Variants in ALDH1A1 observed in about 807,000 individuals in gnomAD.
ALDH1A1 encodes the protein aldehyde dehydrogenase 1A1.
A neutral mutation model predicts 62.1 loss-of-function variants in ALDH1A1; 19 were observed. The observed-to-expected ratio is 0.31, with a 90% CI of 0.21 to 0.45. ALDH1A1 has a LOEUF of 0.45. Ranked by LOEUF, ALDH1A1 falls within the 20% of genes least tolerant of loss-of-function variation. The probability of loss-of-function intolerance (pLI) is 1.00; values close to 1 mark genes in which losing one functional copy is unlikely to be tolerated. For missense variants in ALDH1A1, 521 were observed against 607.1 expected (o/e 0.86, Z 1.49); for synonymous variants, 231 against 215.9 (o/e 1.07, Z -0.61).
chr9:72,905,561 T>A (rs899895290), intron 12 of ALDH1A1, among the ~76,000 whole-genome samples: 2 of 152,184 alleles, frequency 1.3e-5, no homozygotes, highest in Admixed American at 6.5e-5. Flanking sequence ...CTTATTTAAA[T>A]GGTTTATTCA....
chr9:72,941,828 A>T (rs1300961200), intron 1 of ALDH1A1, among the ~76,000 whole-genome samples: 1 of 152,172 alleles, frequency 6.6e-6, no homozygotes, highest in Non-Finnish European at 1.5e-5. Flanking sequence ...CATACAAGAA[A>T]ATTATCCTGT....
In ALDH1A1 at chr9:72,925,504, C is replaced by A; in HGVS notation, c.613G>T (p.Val205Leu). ...CTTACCTCTTTTATTAAAGATGCCA[C>A]GTGGAGAGCAGTGAGAGGAGTTTGC... ...AEQTPLTALH[V>L]ASLIKEAGFP... The change falls in exon 6 of 13, where the codon GTG (valine) becomes TTG (leucine). Residue 205 changes from valine to leucine, a missense_variant. Val to Leu is a conservative substitution (Grantham distance 32). Transcript: ENST00000297785. 1.9e-6 allele frequency: 3 copies of A among 1,613,854 alleles called. No homozygotes were observed. In the South Asian group the frequency reaches 3.3e-5, roughly 18 times the overall value.
At position 72,918,613 on chromosome 9, in the gene ALDH1A1, CTTTTTTTTTTT is replaced by C. The variant is rs3079046; in HGVS notation, c.850+96_850+106del. ...TACACTTTGATGTTAGAAGCAAATGCTTTTTTTTTTTTTTTTTTTTTTTTGTAAAGTTCAAG... is the reference window on the plus strand; with the variant it reads ...TACACTTTGATGTTAGAAGCAAATGCTTTTTTTTTTTTTGTAAAGTTCAAG... On this transcript the variant is annotated intron_variant, in intron 8 of 12. Transcript: ENST00000297785. 6.4e-5 allele frequency: 18 copies of C among 279,468 alleles called. 1 individual carries two copies. The highest frequency in any genetic ancestry group is 3.8e-4 in the East Asian group (5 of 13,132). 17.3% of individuals were successfully genotyped at this position (279,468 alleles called of 1,614,324 possible).
chr9:72,950,890 C>T (rs1367831344), intron 1 of ALDH1A1, among the ~76,000 whole-genome samples: 1 of 151,462 alleles, frequency 6.6e-6, no homozygotes, highest in East Asian at 1.9e-4. Context: ...CTTGCAAGAG[C>T]AAATTCAATC....
intron 3 of ALDH1A1, among the ~76,000 whole-genome samples, 185 bp from the exon 4 acceptor site, chr9:72,929,206 C>A (rs1453958169): frequency 6.6e-6 from 1 of 152,110 alleles, no homozygotes; most frequent in Non-Finnish European, 1.5e-5. Flanking sequence ...AAGATCTGGG[C>A]ACAAAGGGTA....
intron 4 of ALDH1A1, among the ~76,000 whole-genome samples, chr9:72,928,239 A>T (rs1830235738): frequency 1.3e-5 from 2 of 151,908 alleles, no homozygotes; most frequent in East Asian, 3.9e-4. Flanking sequence ...TGTTTCCTAA[A>T]TGTGTGTGTT....
chr9:72,927,045 AAAGCTTC>A (rs1830220711), intron 5 of ALDH1A1, 64 bp downstream of exon 5: 3 of 1,108,162 alleles, frequency 2.7e-6, no homozygotes, highest in South Asian at 3.2e-5. Flanking sequence ...TGTTTTAGAG[AAAGCTTC>A]ATCATTAGAT....
At position 72,925,588 on chromosome 9, in the gene ALDH1A1, T is replaced by C. The variant is rs8187929; in HGVS notation, c.529A>G (p.Ile177Val). Residue 177 changes from isoleucine to valine, a missense_variant, in exon 6 of 13, where the codon ATT becomes GTT. Transcript: ENST00000297785. ...IPWNFPLVML[I>V]WKIGPALSCG... ...CTCAGTGCAGGCCCTATCTTCCAAA[T>C]GAGCATAACCAACGGGAAATTCCAC... 6.2e-7 allele frequency: 1 copy of C among 1,613,198 alleles called. No individual in the cohort carries two copies. Among genetic ancestry groups the C allele is most frequent in the East Asian group, 2.2e-5 (1 of 44,794 alleles).
chr9:72,945,566 A>C (rs1199482449), intron 1 of ALDH1A1, among the ~76,000 whole-genome samples: 3 of 151,880 alleles, frequency 2.0e-5, no homozygotes, highest in Non-Finnish European at 4.4e-5. Context: ...ACCTGTGGAG[A>C]CTGGTGTGTG....
At chr9:72,902,965 G>T (rs929504490) in intron 12 of ALDH1A1, among the ~76,000 whole-genome samples, 1 of 149,502 alleles carries the variant, frequency 6.7e-6, no homozygotes, top group Non-Finnish European at 1.5e-5. Flanking sequence ...GGTCCACACT[G>T]TAAAAAAAAA....
chr9:72,944,564 G>T (rs1219840767), intron 1 of ALDH1A1, among the ~76,000 whole-genome samples: 4 of 151,926 alleles, frequency 2.6e-5, no homozygotes, highest in African/African-American at 9.7e-5. Flanking sequence ...TATAATCACT[G>T]TTCCTATAGT....
At chr9:72,912,771 T>C (rs1295177413) in intron 9 of ALDH1A1, among the ~76,000 whole-genome samples, 1 of 152,214 alleles carries the variant, frequency 6.6e-6, no homozygotes, top group Non-Finnish European at 1.5e-5. Flanking sequence ...GAGCCACATC[T>C]AACTATGTGC....
intron 10 of ALDH1A1, among the ~76,000 whole-genome samples, chr9:72,911,462 C>A (rs1829986726): frequency 6.6e-6 from 1 of 152,120 alleles, no homozygotes. Context: ...CTTGAACTTA[C>A]TCCTCCTAAT....
chr9:72,938,574 G>A (rs976933077), intron 2 of ALDH1A1, among the ~76,000 whole-genome samples: 8 of 152,138 alleles, frequency 5.3e-5, no homozygotes, highest in African/African-American at 1.9e-4. Context: ...AGCCTCCCGA[G>A]TAGCTGAAAT....
chr9:72,928,845 C>G (rs1269791518), intron 4 of ALDH1A1, 47 bp downstream of exon 4: 4 of 1,575,934 alleles, frequency 2.5e-6, no homozygotes, highest in South Asian at 2.4e-5. Context: ...CTATAGTAAA[C>G]TCCTCGCTCC....
chr9:72,909,742 C>T lies in ALDH1A1; in HGVS notation c.1218G>A (p.Gln406=). 1 of 1,610,960 alleles carries T rather than the reference C, an allele frequency of 6.2e-7. No individual in the cohort carries two copies. The highest frequency in any genetic ancestry group is 8.5e-7 in the Non-Finnish European group (1 of 1,178,428). ...CTAAAGATTTAAACTTCATGATTTG[C>T]TGCACTGGTCCAAAAATCTATACCA... is the stretch of plus-strand genomic sequence containing the variant. The part of the protein sequence containing the change: ...IAKEEIFGPV[Q]QIMKFKSLDD... Residue 406 remains glutamine (Q), a synonymous_variant, in exon 11 of 13, where the codon CAG becomes CAA. Transcript: ENST00000297785.
intron 7 of ALDH1A1, among the ~76,000 whole-genome samples, chr9:72,920,849 A>G (rs1830131285): frequency 1.3e-5 from 2 of 152,254 alleles, no homozygotes; most frequent in African/African-American, 4.8e-5. Flanking sequence ...TAAACAGTGT[A>G]TTCCATGATA....
intron 9 of ALDH1A1, among the ~76,000 whole-genome samples, chr9:72,915,731 A>G (rs1471621601): frequency 6.6e-6 from 1 of 152,186 alleles, no homozygotes; most frequent in Non-Finnish European, 1.5e-5. Context: ...TGAACAGGAA[A>G]ATCCAAGACT....
At chr9:72,918,216 T>C (rs1830087394) in intron 8 of ALDH1A1, among the ~76,000 whole-genome samples, 1 of 152,220 alleles carries the variant, frequency 6.6e-6, no homozygotes, top group Non-Finnish European at 1.5e-5. Flanking sequence ...AGGTTTAATG[T>C]ACATAAACTC....
Sources: allele counts gnomAD v4.1 joint callset (sites outside exome capture counted in the v4.1 genomes callset), GRCh38; gene constraint gnomAD v4.1.1; transcripts MANE v1.5; gene names NCBI Gene and HGNC (gene_info 2026-07-23, HGNC 2026-07-21).